Variants in AKAP13 observed in about 807,000 individuals in gnomAD.
AKAP13 encodes A-kinase anchor protein 13.
A neutral mutation model predicts 264.5 loss-of-function variants in AKAP13; 80 were observed. The ratio of observed to expected loss-of-function variants is 0.30; its 90% confidence interval spans 0.25 to 0.36. The LOEUF (loss-of-function observed/expected upper bound fraction) is 0.36. AKAP13 is among the 10% of genes least tolerant of loss of function. The pLI, the probability that AKAP13 is intolerant of heterozygous loss-of-function variation, is 1.00. For missense variants in AKAP13, 3,712 were observed against 3,435.2 expected (o/e 1.08, Z -2.01); for synonymous variants, 1,380 against 1,250.2 (o/e 1.10, Z -2.19).
At chr15:85,655,222 A>G (rs1416265170) in intron 10 of AKAP13, among the ~76,000 whole-genome samples, 195 bp from the exon 11 acceptor site, 1 of 152,070 alleles carries the variant, frequency 6.6e-6, no homozygotes, top group East Asian at 1.9e-4. Flanking sequence ...ATAGATCTAG[A>G]CTGTTTCTCT....
intron 14 of AKAP13, among the ~76,000 whole-genome samples, chr15:85,680,611 T>C (rs888201865): frequency 1.8e-4 from 28 of 152,170 alleles, no homozygotes; most frequent in Non-Finnish European, 3.4e-4. Flanking sequence ...ACCCCTGTAA[T>C]CCCAGCACTT....
rs2076806587 is a variant in AKAP13, at chr15:85,521,105, C to G, written c.34-323C>G. Among the ~76,000 whole-genome samples the G allele has an allele frequency of 2.0e-5, 3 of 152,222 alleles. No homozygotes were observed. In the South Asian group the frequency reaches 6.2e-4, roughly 32 times the overall value. ...TTTTGGATTTTCTTCTATGTCTCCC[C>G]CTGCCCCTCCCCTTTTTAACCCATT... On this transcript the variant is annotated intron_variant, in intron 2 of 36. Transcript: ENST00000394518.
chr15:85,575,938 A>G (rs1057265672), intron 6 of AKAP13, among the ~76,000 whole-genome samples: 1 of 152,226 alleles, frequency 6.6e-6, no homozygotes, highest in South Asian at 2.1e-4. Flanking sequence ...GTGAGCTGAG[A>G]TGACACCACT....
intron 1 of AKAP13, among the ~76,000 whole-genome samples, chr15:85,440,179 C>G (rs577395338): frequency 6.6e-6 from 1 of 152,102 alleles, no homozygotes; most frequent in Admixed American, 6.5e-5. Flanking sequence ...TGTCTCTGCC[C>G]TTCCCTTCCT....
At chr15:85,507,270 GCT>G (rs1567094071) in intron 2 of AKAP13, among the ~76,000 whole-genome samples, 1 of 151,900 alleles carries the variant, frequency 6.6e-6, no homozygotes, top group African/African-American at 2.4e-5. Flanking sequence ...TGGTTGGCAA[GCT>G]ACAGCCTGTG....
rs534404480 is a variant in AKAP13, at chr15:85,579,536, G to T, written c.1468G>T (p.Asp490Tyr). 6.2e-7 allele frequency: 1 copy of T among 1,614,198 alleles called. No individual in the cohort carries two copies. Among genetic ancestry groups the T allele is most frequent in the African/African-American group, 1.3e-5 (1 of 75,042 alleles). ...AATGGAACATGGGCTCATGAACCCA[G>T]ATGCCACTGTTTGGAAGAATGTGCT... is the stretch of plus-strand genomic sequence containing the variant. ...GEMEHGLMNP[D>Y]ATVWKNVLQG... Residue 490 changes from aspartate (D) to tyrosine (Y), a missense_variant, in exon 7 of 37, where the codon GAT becomes TAT. Around this residue, in one of 3 missense-constraint regions of AKAP13, gnomAD observed 2,759 missense variants for 2,411.7 expected, o/e 1.14. Transcript: ENST00000394518.
At chr15:85,428,807 G>A (rs2072907352) in intron 1 of AKAP13, among the ~76,000 whole-genome samples, 1 of 152,040 alleles carries the variant, frequency 6.6e-6, no homozygotes, top group Non-Finnish European at 1.5e-5. Context: ...AGTTAAAAAT[G>A]GTATTGGAAT....
intron 2 of AKAP13, among the ~76,000 whole-genome samples, chr15:85,511,637 T>A (rs375584411): frequency 1.2e-4 from 19 of 152,200 alleles, no homozygotes; most frequent in East Asian, 9.7e-4. Context: ...ATTATTATTA[T>A]TGTTAATTTG....
At chr15:85,467,967 A>G (rs1024049430) in intron 1 of AKAP13, among the ~76,000 whole-genome samples, 3 of 152,222 alleles carry the variant, frequency 2.0e-5, no homozygotes, top group African/African-American at 7.2e-5. Flanking sequence ...GATATGTTCA[A>G]GTACTCAAAT....
chr15:85,521,622 C>G (rs1486074584), intron 3 of AKAP13, 47 bp downstream of exon 3: 3 of 1,586,246 alleles, frequency 1.9e-6, no homozygotes, highest in Non-Finnish European at 2.6e-6. Context: ...AGTTCTTAAA[C>G]CCTTTTATTC....
At chr15:85,500,683 A>G (rs1461355221) in intron 2 of AKAP13, among the ~76,000 whole-genome samples, 1 of 152,030 alleles carries the variant, frequency 6.6e-6, no homozygotes, top group Non-Finnish European at 1.5e-5. Context: ...CCCCCCAGAG[A>G]TTCTGCTTAT....
chr15:85,500,284 G>A (rs1362335050), intron 2 of AKAP13, among the ~76,000 whole-genome samples: 2 of 152,172 alleles, frequency 1.3e-5, no homozygotes, highest in Non-Finnish European at 2.9e-5. Context: ...TAGTGCTTCC[G>A]TGTGGTGTGT....
At chr15:85,469,596 G>A (rs2074885762) in intron 1 of AKAP13, among the ~76,000 whole-genome samples, 1 of 152,164 alleles carries the variant, frequency 6.6e-6, no homozygotes, top group Admixed American at 6.5e-5. Context: ...TATTTGACCT[G>A]TTTTCCTCCA....
intron 14 of AKAP13, among the ~76,000 whole-genome samples, chr15:85,671,707 A>G (rs935153604): frequency 7.2e-5 from 11 of 151,894 alleles, no homozygotes; most frequent in African/African-American, 2.4e-4. Context: ...GTACAATTGA[A>G]TAGTTTGCAG....
rs192856635 is a variant in AKAP13 at position 85,634,105 on chromosome 15, T to A, written c.4162-5269T>A. The stretch of plus-strand genomic sequence containing the variant: ...GATGGCCCCTGATTCTTGCTGTTTT[T>A]GCTCTCTGTAATAGTAAAATAGCTG... On this transcript the variant is annotated intron_variant, in intron 8 of 36. Transcript: ENST00000394518. Among the ~76,000 whole-genome samples the A allele has an allele frequency of 4.3e-3, 651 of 152,360 alleles. 4 individuals are homozygous for A. The highest frequency in any genetic ancestry group is 6.7e-3 in the Non-Finnish European group (457 of 68,026).
intron 24 of AKAP13, 51 bp downstream of exon 24, chr15:85,722,167 C>T (rs1567213882): frequency 6.2e-7 from 1 of 1,610,826 alleles, no homozygotes; most frequent in Non-Finnish European, 8.5e-7. Context: ...GCCATGTGTC[C>T]CTGTCGGCTT....
At chr15:85,398,616 C>T (rs538174312) in intron 1 of AKAP13, among the ~76,000 whole-genome samples, 10 of 152,264 alleles carry the variant, frequency 6.6e-5, no homozygotes, top group Admixed American at 1.3e-4. Context: ...AGTGCAGTGG[C>T]GCAATCTCTA....
At chr15:85,446,541 C>G (rs886999540) in intron 1 of AKAP13, among the ~76,000 whole-genome samples, 4 of 152,056 alleles carry the variant, frequency 2.6e-5, no homozygotes, top group African/African-American at 9.7e-5. Flanking sequence ...GACTTTAGGG[C>G]TAGAGACTCA....
intron 1 of AKAP13, among the ~76,000 whole-genome samples, chr15:85,388,286 C>T (rs1005863427): frequency 3.3e-5 from 5 of 151,998 alleles, no homozygotes; most frequent in African/African-American, 1.2e-4. Context: ...CACAAGTGAT[C>T]CGCCAGCCTC....
Sources: allele counts gnomAD v4.1 joint callset (sites outside exome capture counted in the v4.1 genomes callset), GRCh38; gene constraint gnomAD v4.1.1; regional missense constraint gnomAD v4.1.1; transcripts MANE v1.5; gene names NCBI Gene and HGNC (gene_info 2026-07-23, HGNC 2026-07-21).